The following LARGE1 variants were observed in gnomAD, a reference collection of about 807,000 sequenced individuals.
LARGE1 encodes the protein LARGE xylosyl- and glucuronyltransferase 1, also known as xylosyl- and glucuronyltransferase LARGE1.
A neutral mutation model predicts 87.6 loss-of-function variants in LARGE1; 43 were observed. The ratio of observed to expected loss-of-function variants is 0.49; its 90% CI spans 0.38 to 0.63. The LOEUF (loss-of-function observed/expected upper bound fraction) is 0.63, where lower values mean the gene tolerates loss of function less well. LARGE1 is among the 30% of genes least tolerant of loss of function. The probability of loss-of-function intolerance (pLI) is 0.00; values close to 1 mark genes in which losing one functional copy is unlikely to be tolerated. For synonymous variants in LARGE1, 434 were observed against 394.6 expected (o/e 1.10, Z -1.18); for missense variants, 802 against 1,000.2 (o/e 0.80, Z 2.67).
At chr22:33,266,723 T>C (rs1309276907) in intron 11 of LARGE1, among the ~76,000 whole-genome samples, 1 of 151,768 alleles carries the variant, frequency 6.6e-6, no homozygotes, top group East Asian at 1.9e-4. Flanking sequence ...TGGCTGAGCC[T>C]ACGTATGACG....
At chr22:33,175,324 GAAAT>G (rs561701890) in intron 11 of LARGE1, among the ~76,000 whole-genome samples, 124 of 152,252 alleles carry the variant, frequency 8.1e-4, no homozygotes, top group Middle Eastern at 3.4e-3. Flanking sequence ...GAGAGAGAAA[GAAAT>G]AAAGGGTATT....
chr22:33,920,787 C>T (rs1295877509), upstream of LARGE1, among the ~76,000 whole-genome samples: 3 of 144,944 alleles, frequency 2.1e-5, no homozygotes, highest in Non-Finnish European at 4.6e-5. Flanking sequence ...GCGCCGGCTT[C>T]CCGGAGCGCC....
Position 33,304,296 on chromosome 22 carries a change from T to C in LARGE1, c.1663A>G (p.Ser555Gly), listed in dbSNP as rs760507626. The C allele has an allele frequency of 1.9e-6, 3 of 1,614,144 alleles. No individual in the cohort carries two copies. In the Admixed American group the frequency reaches 5.0e-5, roughly 27 times the overall value. Residue 555 changes from serine to glycine, a missense_variant, in exon 12 of 15, where the codon AGC becomes GGC. Ser to Gly is a moderately conservative substitution (Grantham distance 56). Around this residue, in one of 2 missense-constraint regions of LARGE1, gnomAD observed 625 missense variants for 841.9 expected, o/e 0.74. Coordinates refer to ENST00000397394, the MANE Select transcript of LARGE1 (RefSeq NM_133642.5). ...LLRNVAMKHI[S>G]TPYMFLSDID... Reference sequence around the variant, plus strand: ...TCAGACAGGAACATGTAGGGAGTGCTGATGTGCTTCATGGCCACGTTGCGC... The same window carrying C: ...TCAGACAGGAACATGTAGGGAGTGCCGATGTGCTTCATGGCCACGTTGCGC...
chr22:33,831,758 AC>A lies in LARGE1; in HGVS notation c.-82-70201del, dbSNP rs1415598699. On this transcript the variant is annotated intron_variant, in intron 1 of 14. Transcript: ENST00000397394. ...CACACACACATGCATGTACACACAC[AC>A]ACACACACACACACACACACACACA... 5.3e-5 allele frequency among the ~76,000 whole-genome samples: 8 copies of A among 150,400 alleles called. No homozygotes were observed. In the South Asian group the frequency reaches 1.5e-3, roughly 28 times the overall value.
At chr22:33,371,593 C>T (rs1222687651) in intron 9 of LARGE1, among the ~76,000 whole-genome samples, 3 of 152,164 alleles carry the variant, frequency 2.0e-5, no homozygotes, top group Non-Finnish European at 4.4e-5. Flanking sequence ...GTTAACAGGA[C>T]AATAACTTGA....
At chr22:33,585,687 T>C (rs1445647319) in intron 5 of LARGE1, among the ~76,000 whole-genome samples, 2 of 152,160 alleles carry the variant, frequency 1.3e-5, no homozygotes, top group Non-Finnish European at 2.9e-5. Flanking sequence ...GACACAAAAT[T>C]AGTAGATTGT....
chr22:33,233,235 G>A (rs1926096033), intron 11 of LARGE1, among the ~76,000 whole-genome samples: 2 of 152,100 alleles, frequency 1.3e-5, no homozygotes, highest in South Asian at 4.1e-4. Flanking sequence ...GGTATAGGAA[G>A]TTGTCTAAGT....
intron 11 of LARGE1, among the ~76,000 whole-genome samples, chr22:33,305,097 C>T (rs559767190): frequency 2.0e-5 from 3 of 152,286 alleles, no homozygotes; most frequent in South Asian, 2.1e-4. Flanking sequence ...GTTCAATCAG[C>T]TTGGCCTCTT....
chr22:33,387,426 C>CAAAAAAA (rs758366490), intron 7 of LARGE1, among the ~76,000 whole-genome samples: 11 of 67,462 alleles, frequency 1.6e-4, no homozygotes, highest in African/African-American at 2.2e-4. Context: ...GACTCTGTCT[C>CAAAAAAA]AAAAAAAAAA....
chr22:33,392,225 C>G (rs957833806), intron 7 of LARGE1, among the ~76,000 whole-genome samples: 2 of 151,378 alleles, frequency 1.3e-5, no homozygotes, highest in African/African-American at 4.9e-5. Flanking sequence ...GGAAAACACA[C>G]TCTTGGCTCT....
intron 9 of LARGE1, among the ~76,000 whole-genome samples, chr22:33,361,804 C>G (rs368763372): frequency 1.7e-4 from 24 of 142,040 alleles, no homozygotes; most frequent in African/African-American, 6.3e-4. Context: ...CCTTACATCA[C>G]AGCACCTAGC....
At chr22:33,675,980 C>A (rs1008556592) in intron 2 of LARGE1, among the ~76,000 whole-genome samples, 2 of 150,588 alleles carry the variant, frequency 1.3e-5, no homozygotes, top group Non-Finnish European at 2.9e-5. Context: ...CCAAACCATA[C>A]CTCTTATAAA....
At chr22:33,390,464 C>T (rs1386277977) in intron 7 of LARGE1, among the ~76,000 whole-genome samples, 1 of 152,154 alleles carries the variant, frequency 6.6e-6, no homozygotes, top group African/African-American at 2.4e-5. Flanking sequence ...CTAATAAAGA[C>T]CCTGTGCTTC....
chr22:33,382,293 G>C (rs1024152786), intron 8 of LARGE1, among the ~76,000 whole-genome samples: 1 of 152,090 alleles, frequency 6.6e-6, no homozygotes, highest in Non-Finnish European at 1.5e-5. Context: ...GTCTCATAAG[G>C]CCCTATCCAG....
intron 3 of LARGE1, among the ~76,000 whole-genome samples, chr22:33,645,506 G>A (rs1387437872): frequency 6.6e-6 from 1 of 152,142 alleles, no homozygotes; most frequent in East Asian, 1.9e-4. Flanking sequence ...GAAAACCTAG[G>A]CAATACCATT....
the LARGE1 span, among the ~76,000 whole-genome samples, chr22:33,107,782 C>T: frequency 2.0e-5 from 3 of 150,036 alleles, no homozygotes; most frequent in African/African-American, 4.9e-5. Context: ...GAGCAAGGAT[C>T]GCTTGAGCCC....
chr22:33,387,217 G>A (rs1157407108), intron 7 of LARGE1, among the ~76,000 whole-genome samples: 1 of 148,342 alleles, frequency 6.7e-6, no homozygotes. Context: ...CTGAAGTCAG[G>A]AGTCCAAGAC....
chr22:33,515,200 C>A (rs2071246148), intron 6 of LARGE1, among the ~76,000 whole-genome samples: 1 of 152,024 alleles, frequency 6.6e-6, no homozygotes, highest in South Asian at 2.1e-4. Flanking sequence ...AAGCTCTTGA[C>A]CCCAAAGCCA....
At chr22:33,657,454 C>T (rs1035952112) in intron 2 of LARGE1, among the ~76,000 whole-genome samples, 4 of 152,276 alleles carry the variant, frequency 2.6e-5, no homozygotes, top group Non-Finnish European at 4.4e-5. Context: ...TCCAGAGAGT[C>T]AATGTGCTTT....
Sources: gnomAD v4.1 joint callset for allele counts (sites outside exome capture counted in the v4.1 genomes callset) on GRCh38, gnomAD v4.1.1 for gene constraint, gnomAD v4.1.1 regional missense constraint, MANE v1.5 for transcripts, NCBI Gene and HGNC (gene_info 2026-07-23, HGNC 2026-07-21) for gene names.